SKP2: variants seen among roughly 807,000 people sequenced by gnomAD.
SKP2 encodes the protein S-phase kinase associated protein 2.
In SKP2, 16 loss-of-function variants were observed where a neutral mutation model predicts 51.8. The observed-to-expected ratio is 0.31, with a 90% CI of 0.21 to 0.47. SKP2 has a LOEUF of 0.47. Among genes scored for constraint, SKP2 ranks in the 20% least tolerant of loss-of-function variants. The pLI, the probability that SKP2 is intolerant of heterozygous loss-of-function variation, is 1.00. For synonymous variants in SKP2, 176 were observed against 198.6 expected, an observed-to-expected ratio of 0.89 and a Z score of 0.96; for missense variants, 377 against 505.3, an observed-to-expected ratio of 0.75 and a Z score of 2.43.
chr5:36,153,316 G>A (rs1377630371), intron 2 of SKP2, among the ~76,000 whole-genome samples: 1 of 151,602 alleles, frequency 6.6e-6, no homozygotes, highest in African/African-American at 2.4e-5. Context: ...TCCTTAGAAG[G>A]GAATCTGCCT....
intron 7 of SKP2, among the ~76,000 whole-genome samples, chr5:36,176,691 T>C (rs1194379459): frequency 6.6e-6 from 1 of 151,996 alleles, no homozygotes; most frequent in East Asian, 1.9e-4. Flanking sequence ...AATGGGATTT[T>C]TTTCCCTATT....
intron 9 of SKP2, among the ~76,000 whole-genome samples, chr5:36,177,714 T>C (rs2112004860): frequency 6.6e-6 from 1 of 152,152 alleles, no homozygotes; most frequent in South Asian, 2.1e-4. Flanking sequence ...TAAAGTTCTG[T>C]ATCTTCTAGT....
At chr5:36,160,849 C>G (rs1250060276) in intron 2 of SKP2, among the ~76,000 whole-genome samples, 1 of 152,180 alleles carries the variant, frequency 6.6e-6, no homozygotes, top group South Asian at 2.1e-4. Context: ...TCCTCACAAC[C>G]TCCAGCTGCC....
intron 6 of SKP2, among the ~76,000 whole-genome samples, 154 bp from the exon 7 acceptor site, chr5:36,171,449 G>A (rs990099264): frequency 6.6e-6 from 1 of 152,264 alleles, no homozygotes; most frequent in African/African-American, 2.4e-5. Context: ...GGTATACTTA[G>A]GTGACTAAAG....
chr5:36,155,378 C>T (rs1374438181), intron 2 of SKP2, among the ~76,000 whole-genome samples: 2 of 152,146 alleles, frequency 1.3e-5, no homozygotes, highest in East Asian at 3.8e-4. Context: ...CTCATTCTTG[C>T]GTTTATCAGC....
intron 5 of SKP2, among the ~76,000 whole-genome samples, 161 bp downstream of exon 5, chr5:36,168,608 G>A (rs1745370524): frequency 6.6e-6 from 1 of 152,218 alleles, no homozygotes; most frequent in Non-Finnish European, 1.5e-5. Flanking sequence ...ACTCATTGAA[G>A]CAACAAAAGC....
intron 6 of SKP2, among the ~76,000 whole-genome samples, chr5:36,191,196 T>A (rs1746016207): frequency 6.6e-6 from 1 of 152,048 alleles, no homozygotes; most frequent in South Asian, 2.1e-4. Context: ...CAGGGGTGAT[T>A]TTCCCCCACC....
At chr5:36,171,756 C>A in intron 7 of SKP2, 23 bp downstream of exon 7, 1 of 1,611,242 alleles carries the variant, frequency 6.2e-7, no homozygotes, top group South Asian at 1.1e-5. Flanking sequence ...AAGCCTGGAC[C>A]ACTGAGGCCT....
At chr5:36,187,096 T>G (rs1277506092), downstream of SKP2, among the ~76,000 whole-genome samples, 1 of 152,208 alleles carries the variant, frequency 6.6e-6, no homozygotes, top group African/African-American at 2.4e-5. Context: ...GATATCCCCT[T>G]TATCATTTTT....
At chr5:36,166,725 C>CTTTT (rs3086385) in intron 4 of SKP2, 63 bp downstream of exon 4, 91 of 902,664 alleles carry the variant, frequency 1.0e-4, no homozygotes, top group African/African-American at 1.2e-4. Flanking sequence ...CAGATCAAAG[C>CTTTT]TTTTTTTTTT....
intron 9 of SKP2, chr5:36,180,109 C>G: frequency 2.2e-6 from 1 of 461,810 alleles, no homozygotes; most frequent in Middle Eastern, 3.5e-4. Flanking sequence ...TCCTCCTCTG[C>G]CATCTGCCAT....
chr5:36,156,195 T>C (rs1744939930), intron 2 of SKP2, among the ~76,000 whole-genome samples: 1 of 152,032 alleles, frequency 6.6e-6, no homozygotes, highest in Non-Finnish European at 1.5e-5. Flanking sequence ...TGGGGAAGGG[T>C]GAAATCAGTG....
At chr5:36,178,625 G>T (rs139783247) in intron 9 of SKP2, among the ~76,000 whole-genome samples, 1 of 151,972 alleles carries the variant, frequency 6.6e-6, no homozygotes, top group Non-Finnish European at 1.5e-5. Context: ...AGCTTCTAGC[G>T]TCTACCCAAA....
intron 7 of SKP2, among the ~76,000 whole-genome samples, chr5:36,173,913 A>G (rs1745552068): frequency 6.6e-6 from 1 of 152,152 alleles, no homozygotes; most frequent in Non-Finnish European, 1.5e-5. Flanking sequence ...TTTACTGGGT[A>G]GACTTGAGCA....
intron 6 of SKP2, among the ~76,000 whole-genome samples, chr5:36,190,683 C>CAAAAAAAAAAAAAAAAAAA (rs70973094): frequency 1.2e-4 from 10 of 81,184 alleles, no homozygotes; most frequent in South Asian, 9.9e-4. Context: ...CAAACATATG[C>CAAAAAAAAAAAAAAAAAAA]AAAAAAAAAA....
Position 36,183,511 on chromosome 5 carries a change from C to T in SKP2, c.*1480C>T. On this transcript the variant is annotated 3_prime_UTR_variant, in exon 10 of 10. Transcript: ENST00000274255. ...CTCAATCTCCTGACCTCATGATCCG[C>T]CCGTCTTGGCCTCCCAAAGTGCTGG... is the stretch of plus-strand genomic sequence containing the variant. 1 of 655,362 alleles carries T rather than the reference C, an allele frequency of 1.5e-6. No homozygotes were observed. Among genetic ancestry groups the T allele is most frequent in the Non-Finnish European group, 1.9e-6 (1 of 527,366 alleles). The allele number at this position is 655,362 out of a possible 1,614,324, so 40.6% of individuals were successfully genotyped here.
intron 3 of SKP2, 80 bp from the exon 4 acceptor site, chr5:36,166,439 C>A: frequency 8.1e-7 from 1 of 1,241,814 alleles, no homozygotes; most frequent in Non-Finnish European, 1.2e-6. Context: ...CAGCAGTGTC[C>A]TACCTGTTAG....
chr5:36,179,061 G>A (rs943054666), intron 9 of SKP2, among the ~76,000 whole-genome samples: 1 of 152,152 alleles, frequency 6.6e-6, no homozygotes, highest in South Asian at 2.1e-4. Flanking sequence ...ACAAACAGGG[G>A]CATTAGGAGT....
At position 36,168,455 on chromosome 5, in the gene SKP2, G is replaced by A; in HGVS notation, c.671+8G>A. The A allele has an allele frequency of 6.2e-7, 1 of 1,614,008 alleles. No homozygotes were observed. Among genetic ancestry groups the A allele is most frequent in the African/African-American group, 1.3e-5 (1 of 75,040 alleles). On this transcript the variant is annotated splice_region_variant and intron_variant, in intron 5 of 9. Coordinates refer to ENST00000274255, the MANE Select transcript of SKP2 (RefSeq NM_005983.4). ...TTCGGATCCCATTGTCAAGTGAGTG[G>A]CAGGCAGAGTGTCACAAAGGCAGTT...
Sources: allele counts gnomAD v4.1 joint callset (sites outside exome capture counted in the v4.1 genomes callset), GRCh38; gene constraint gnomAD v4.1.1; transcripts MANE v1.5; gene names NCBI Gene and HGNC (gene_info 2026-07-23, HGNC 2026-07-21).